The following PEF1 variants were observed in gnomAD, a reference collection of about 807,000 sequenced individuals.
PEF1 encodes the protein penta-EF-hand domain containing 1.
A neutral mutation model predicts 32.0 loss-of-function variants in PEF1; 17 were observed. That is an observed-to-expected ratio of 0.53 (90% CI 0.36 to 0.80). The LOEUF (loss-of-function observed/expected upper bound fraction) is 0.80. Ranked by LOEUF, PEF1 falls within the 30% of genes least tolerant of loss-of-function variation. The probability of loss-of-function intolerance (pLI) is 0.00; values close to 1 mark genes in which losing one functional copy is unlikely to be tolerated. For synonymous variants in PEF1, 130 were observed against 139.8 expected, an observed-to-expected ratio of 0.93 and a Z score of 0.50; for missense variants, 362 against 369.1, an observed-to-expected ratio of 0.98 and a Z score of 0.16.
chr1:31,635,123 G>C, intron 2 of PEF1, 99 bp downstream of exon 2: 1 of 1,437,498 alleles, frequency 7.0e-7, no homozygotes, highest in Non-Finnish European at 9.6e-7. Flanking sequence ...TAAGGTGCCA[G>C]AGACCAGGCT....
At chr1:31,632,374 C>G in intron 4 of PEF1, 121 bp downstream of exon 4, 2 of 1,521,070 alleles carry the variant, frequency 1.3e-6, no homozygotes, top group Non-Finnish European at 1.8e-6. Context: ...GCACTGAGAA[C>G]AGCATTTTGT....
rs1302324356 is a variant in PEF1 at position 31,633,176 on chromosome 1, G to T, written c.464C>A (p.Thr155Asn). 6.2e-7 allele frequency: 1 copy of T among 1,613,862 alleles called. No homozygotes were observed. The highest frequency in any genetic ancestry group is 1.7e-5 in the Admixed American group (1 of 59,996). The change falls in exon 3 of 5, where the codon ACC (threonine) becomes AAC (asparagine). Residue 155 changes from threonine to asparagine, a missense_variant. Physicochemically the swap from Thr to Asn is moderately conservative, Grantham distance 65 (BLOSUM62 0). Coordinates refer to ENST00000373703, the MANE Select transcript of PEF1 (RefSeq NM_012392.4). ...AGACTCACTTATCATCATGAGGCAGGTCTCATCATTGAATGAAGACCAATT... is the reference window on the plus strand; with the variant it reads ...AGACTCACTTATCATCATGAGGCAGTTCTCATCATTGAATGAAGACCAATT... ...NCNWSSFNDETCLMMINMFDK... is the reference protein window; with the variant it reads ...NCNWSSFNDENCLMMINMFDK...
intron 1 of PEF1, among the ~76,000 whole-genome samples, chr1:31,640,865 G>A (rs1475836298): frequency 6.6e-6 from 1 of 152,018 alleles, no homozygotes; most frequent in Non-Finnish European, 1.5e-5. Flanking sequence ...CCCTGATGAC[G>A]AATGGAGGAG....
In PEF1 at chr1:31,630,293, T is replaced by C. The variant is rs1640059090; in HGVS notation, c.*320A>G. ...CTCACCACTGGCATCAGGGTGGAGC[T>C]CAGCTGACTGGACACTAACTCCATT... On this transcript the variant is annotated 3_prime_UTR_variant, in exon 5 of 5. Coordinates refer to ENST00000373703, the MANE Select transcript of PEF1 (RefSeq NM_012392.4). The C allele has an allele frequency of 7.9e-6, 3 of 380,750 alleles. No individual in the cohort carries two copies. The highest frequency in any genetic ancestry group is 1.5e-5 in the Non-Finnish European group (3 of 200,060). The allele number at this position is 380,750 out of a possible 1,614,324, so 23.6% of individuals were successfully genotyped here. A position where few individuals can be genotyped will look rare whatever the true frequency, so the allele number is the denominator to read the frequency against.
chr1:31,641,792 T>C (rs890957452), intron 1 of PEF1, among the ~76,000 whole-genome samples: 1 of 152,238 alleles, frequency 6.6e-6, no homozygotes, highest in East Asian at 1.9e-4. Flanking sequence ...ACTTATCACA[T>C]TGCCTCTTCA....
rs562377499 is a variant in PEF1, at chr1:31,643,873, G to A, written c.24+968C>T. ...CTCTGTAAAATGAGGGCTCTATTTT[G>A]AGGACCCTCCGGGCACTGGCCTTTT... On this transcript the variant is annotated intron_variant, in intron 1 of 4. Coordinates refer to ENST00000373703, the MANE Select transcript of PEF1 (RefSeq NM_012392.4). Among the ~76,000 whole-genome samples, 5 of 152,202 alleles carry A rather than the reference G, an allele frequency of 3.3e-5. No individual in the cohort carries two copies. In the South Asian group the frequency reaches 1.0e-3, roughly 32 times the overall value.
chr1:31,632,572 A>G lies in PEF1; in HGVS notation c.548T>C (p.Ile183Thr). Residue 183 changes from isoleucine (I) to threonine (T), a missense_variant, in exon 4 of 5, where the codon ATC becomes ACC. Physicochemically the swap from Ile to Thr is moderately conservative, Grantham distance 89 (BLOSUM62 -1). Coordinates refer to ENST00000373703, the MANE Select transcript of PEF1 (RefSeq NM_012392.4). ...CTGGAAGAGGTTCTTCCACTGCTGG[A>G]TGAATTTCCACAGGGCTGAGAAGCC... ...VYGFSALWKF[I>T]QQWKNLFQQY... The G allele has an allele frequency of 6.2e-7, 1 of 1,614,214 alleles. No individual in the cohort carries two copies. The highest frequency in any genetic ancestry group is 8.5e-7 in the Non-Finnish European group (1 of 1,180,040).
chr1:31,642,709 A>G (rs1295730966), intron 1 of PEF1, among the ~76,000 whole-genome samples: 1 of 152,206 alleles, frequency 6.6e-6, no homozygotes, highest in East Asian at 1.9e-4. Context: ...CTCCAGGAAT[A>G]GCCCAGGCAG....
At chr1:31,640,879 G>A (rs1570282190) in intron 1 of PEF1, among the ~76,000 whole-genome samples, 1 of 152,246 alleles carries the variant, frequency 6.6e-6, no homozygotes, top group Non-Finnish European at 1.5e-5. Context: ...GGAGGAGGGA[G>A]CATTGCAAAG....
Position 31,635,236 on chromosome 1 carries a change from C to T in PEF1, c.311G>A (p.Gly104Glu). The T allele has an allele frequency of 1.2e-6, 2 of 1,614,096 alleles. No individual in the cohort carries two copies. Among genetic ancestry groups the T allele is most frequent in the East Asian group, 2.2e-5 (1 of 44,870 alleles). The change falls in exon 2 of 5, where the codon GGG (glycine) becomes GAG (glutamate). Residue 104 changes from glycine (G) to glutamate (E), a missense_variant. Gly to Glu is a moderately conservative substitution (Grantham distance 98). Transcript: ENST00000373703. ...PPSSYGAQQP[G>E]LYGQGGAPPN... ...TTACTACTTACCCTGTCCATAAAGC[C>T]CAGGCTGCTGGGCACCGTAGGAACT...
At position 31,633,265 on chromosome 1, in the gene PEF1, C is replaced by T. The variant is rs749479514; in HGVS notation, c.375G>A (p.Ser125=). 5 of 1,613,926 alleles carry T rather than the reference C, an allele frequency of 3.1e-6. No homozygotes were observed. Among genetic ancestry groups the T allele is most frequent in the African/African-American group, 2.7e-5 (2 of 74,928 alleles). Residue 125 remains serine (S), a synonymous_variant, in exon 3 of 5, where the codon TCG becomes TCA. Transcript: ENST00000373703. The part of the protein sequence containing the change: ...VDPEAYSWFQ[S]VDSDHSGYIS... ...TATAGCCACTGTGATCTGAGTCCAC[C>T]GACTGGAACCAGGAGTAGGCCTCAG...
Position 31,635,532 on chromosome 1 carries a change from G to C in PEF1, c.25-10C>G. The C allele has an allele frequency of 2.7e-6, 4 of 1,508,406 alleles. No homozygotes were observed. The highest frequency in any genetic ancestry group is 2.7e-5 in the South Asian group (2 of 74,398). The allele number at this position is 1,508,406 out of a possible 1,614,324, so 93.4% of individuals were successfully genotyped here. ...CAGCTCCTGGGCAGCCCTGCAGGAA[G>C]AGCAAGATATCAGTCAGAATGATGA... is the stretch of plus-strand genomic sequence containing the variant. On this transcript the variant is annotated splice_polypyrimidine_tract_variant and intron_variant, in intron 1 of 4. Transcript: ENST00000373703.
chr1:31,634,620 A>G (rs1640206658), intron 2 of PEF1, among the ~76,000 whole-genome samples: 1 of 151,826 alleles, frequency 6.6e-6, no homozygotes, highest in African/African-American at 2.4e-5. Context: ...ACACCCACAG[A>G]CATTGTACTA....
chr1:31,634,662 A>G (rs1039800616), intron 2 of PEF1, among the ~76,000 whole-genome samples: 7 of 152,162 alleles, frequency 4.6e-5, no homozygotes, highest in African/African-American at 1.4e-4. Context: ...GGCCAGTTCA[A>G]TAATCTATTA....
At chr1:31,644,631 G>C in intron 1 of PEF1, 1 of 1,444,268 alleles carries the variant, frequency 6.9e-7, no homozygotes, top group South Asian at 1.4e-5. Context: ...CGTCAAGGGG[G>C]CGCGACACGA....
At chr1:31,639,991 T>G (rs1223923193) in intron 1 of PEF1, among the ~76,000 whole-genome samples, 1 of 152,196 alleles carries the variant, frequency 6.6e-6, no homozygotes, top group Non-Finnish European at 1.5e-5. Context: ...CACTACTCCA[T>G]GCTCCCAGCC....
At chr1:31,633,684 A>G (rs1640177477) in intron 2 of PEF1, among the ~76,000 whole-genome samples, 1 of 152,192 alleles carries the variant, frequency 6.6e-6, no homozygotes, top group Non-Finnish European at 1.5e-5. Flanking sequence ...GGCCAGGCAC[A>G]GTGGCTCACG....
rs74443787 is a variant in PEF1, at chr1:31,642,036, A to G, written c.24+2805T>C. ...CACCTGAGGTTAGGAGTTTGAGACC[A>G]GCCTGGCCAACATGGCGAAACCCCG... On this transcript the variant is annotated intron_variant, in intron 1 of 4. Coordinates refer to ENST00000373703, the MANE Select transcript of PEF1 (RefSeq NM_012392.4). Among the ~76,000 whole-genome samples the G allele has an allele frequency of 1.1e-3, 167 of 152,304 alleles. 2 individuals carry two copies. In the South Asian group the frequency reaches 0.016, roughly 15 times the overall value.
At chr1:31,644,387 G>A (rs1640491371) in intron 1 of PEF1, 2 of 1,014,152 alleles carry the variant, frequency 2.0e-6, no homozygotes, top group Non-Finnish European at 1.2e-6. Context: ...CACTTGTGGC[G>A]CCTGCTACAA....
Sources: gnomAD v4.1 joint callset for allele counts (sites outside exome capture counted in the v4.1 genomes callset) on GRCh38, gnomAD v4.1.1 for gene constraint, MANE v1.5 for transcripts, NCBI Gene and HGNC (gene_info 2026-07-23, HGNC 2026-07-21) for gene names.